ARHGEF28: variants seen among roughly 807,000 people sequenced by gnomAD.
ARHGEF28 encodes the protein Rho guanine nucleotide exchange factor 28, also known as 190 kDa guanine nucleotide exchange factor.
In ARHGEF28, 152 loss-of-function variants were observed where a neutral mutation model predicts 206.6. That is an observed-to-expected ratio of 0.74 (90% confidence interval 0.64 to 0.84). The LOEUF is 0.84. ARHGEF28 is among the 40% of genes least tolerant of loss of function. The pLI is 0.00. For synonymous variants in ARHGEF28, 763 were observed against 776.4 expected, an observed-to-expected ratio of 0.98 and a Z score of 0.29; for missense variants, 2,028 against 2,073.2, an observed-to-expected ratio of 0.98 and a Z score of 0.42.
At chr5:73,798,508 C>A (rs1014098421) in intron 9 of ARHGEF28, among the ~76,000 whole-genome samples, 2 of 152,186 alleles carry the variant, frequency 1.3e-5, no homozygotes, top group Non-Finnish European at 2.9e-5. Context: ...GAGCTGACAT[C>A]TATGTCTAAT....
At chr5:73,878,362 T>G (rs1166639089) in intron 22 of ARHGEF28, among the ~76,000 whole-genome samples, 1 of 151,802 alleles carries the variant, frequency 6.6e-6, no homozygotes, top group Admixed American at 6.6e-5. Context: ...CACTGATGAG[T>G]CTTGACTCTT....
intron 16 of ARHGEF28, among the ~76,000 whole-genome samples, chr5:73,858,717 C>T (rs1452202783): frequency 6.6e-6 from 1 of 152,220 alleles, no homozygotes; most frequent in East Asian, 1.9e-4. Context: ...AGCATTCCAA[C>T]TGACTTCCTT....
At chr5:73,903,790 A>G (rs1293962232) in intron 31 of ARHGEF28, 6 of 170,098 alleles carry the variant, frequency 3.5e-5, no homozygotes, top group Non-Finnish European at 2.5e-5. Flanking sequence ...AAAGGAGTTA[A>G]GGCCAGACAT....
chr5:73,922,442 C>G (rs190110418), intron 35 of ARHGEF28, among the ~76,000 whole-genome samples: 4 of 152,336 alleles, frequency 2.6e-5, no homozygotes, highest in Admixed American at 6.5e-5. Context: ...AGTCAAGGAG[C>G]CTTCACATAC....
intron 9 of ARHGEF28, among the ~76,000 whole-genome samples, chr5:73,808,198 T>C (rs1166865992): frequency 6.6e-6 from 1 of 152,202 alleles, no homozygotes; most frequent in Non-Finnish European, 1.5e-5. Context: ...CCGATTCATG[T>C]CTATTTTATG....
At chr5:73,753,844 CT>C (rs1243209676) in intron 4 of ARHGEF28, among the ~76,000 whole-genome samples, 3 of 152,010 alleles carry the variant, frequency 2.0e-5, no homozygotes, top group East Asian at 1.9e-4. Flanking sequence ...AAAATAAAAT[CT>C]TTTTTTGAGA....
At chr5:73,735,469 A>G (rs1750865242) in intron 2 of ARHGEF28, among the ~76,000 whole-genome samples, 2 of 152,140 alleles carry the variant, frequency 1.3e-5, no homozygotes, top group Non-Finnish European at 1.5e-5. Context: ...GGAGGTGGCT[A>G]GAGATCCAGA....
chr5:73,898,955 C>G (rs903116216), intron 30 of ARHGEF28: 2 of 152,078 alleles, frequency 1.3e-5, no homozygotes, highest in Non-Finnish European at 2.9e-5. Context: ...AAATTGAACT[C>G]AAGATTGGAA....
intron 16 of ARHGEF28, among the ~76,000 whole-genome samples, chr5:73,861,890 T>C (rs1273226077): frequency 6.6e-6 from 1 of 152,172 alleles, no homozygotes; most frequent in African/African-American, 2.4e-5. Flanking sequence ...GTTTAAACTT[T>C]GCTTATTCAT....
chr5:73,758,500 C>T (rs967927967), intron 4 of ARHGEF28, among the ~76,000 whole-genome samples: 30 of 152,190 alleles, frequency 2.0e-4, no homozygotes, highest in African/African-American at 6.3e-4. Context: ...CATTATGGAA[C>T]AGGTGCATTC....
intron 1 of ARHGEF28, among the ~76,000 whole-genome samples, chr5:73,631,971 T>C (rs1743394775): frequency 6.6e-6 from 1 of 152,210 alleles, no homozygotes; most frequent in Admixed American, 6.5e-5. Context: ...TGGGTTCATT[T>C]TGTGTTCCTG....
At chr5:73,713,440 C>A (rs1202120121) in intron 2 of ARHGEF28, among the ~76,000 whole-genome samples, 1 of 152,150 alleles carries the variant, frequency 6.6e-6, no homozygotes, top group African/African-American at 2.4e-5. Context: ...TCACAACTTA[C>A]CTTTACCTGT....
At chr5:73,804,137 TTGAGGAAACTTGGAA>T (rs1180378018) in intron 9 of ARHGEF28, among the ~76,000 whole-genome samples, 1 of 150,128 alleles carries the variant, frequency 6.7e-6, no homozygotes, top group Non-Finnish European at 1.5e-5. Flanking sequence ...TGTCCAGAGC[TTGAGGAAACTTGGAA>T]TGAGCTAGGT....
intron 9 of ARHGEF28, among the ~76,000 whole-genome samples, chr5:73,803,944 C>T (rs915708764): frequency 6.6e-5 from 10 of 151,730 alleles, no homozygotes; most frequent in East Asian, 1.9e-4. Context: ...AAAAATTAGC[C>T]GGGCATGGTA....
At chr5:73,913,620 AG>A (rs1247922859) in intron 35 of ARHGEF28, among the ~76,000 whole-genome samples, 1 of 152,178 alleles carries the variant, frequency 6.6e-6, no homozygotes, top group Non-Finnish European at 1.5e-5. Flanking sequence ...AGGAAGAAGC[AG>A]GCTCCAGGGT....
chr5:73,888,927 A>G (rs1761461565), intron 26 of ARHGEF28, among the ~76,000 whole-genome samples: 1 of 152,190 alleles, frequency 6.6e-6, no homozygotes, highest in Non-Finnish European at 1.5e-5. Context: ...TATTTCTTAA[A>G]TGTGTTAACC....
chr5:73,858,267 A>G (rs772442916), intron 16 of ARHGEF28, 48 bp downstream of exon 16: 1 of 1,525,532 alleles, frequency 6.6e-7, no homozygotes, highest in South Asian at 1.3e-5. Flanking sequence ...ATCTCCTGAC[A>G]GTAACCTTGG....
At chr5:73,935,903 A>G (rs1315438888) in intron 35 of ARHGEF28, among the ~76,000 whole-genome samples, 1 of 152,218 alleles carries the variant, frequency 6.6e-6, no homozygotes, top group Non-Finnish European at 1.5e-5. Flanking sequence ...AGAGAACTGA[A>G]CAGCGCGTCA....
chr5:73,921,445 G>A (rs1763515902), intron 35 of ARHGEF28, among the ~76,000 whole-genome samples: 1 of 152,138 alleles, frequency 6.6e-6, no homozygotes, highest in Non-Finnish European at 1.5e-5. Flanking sequence ...CTTGAATAAG[G>A]GGCCACAGTA....
Sources: gnomAD v4.1 joint callset for allele counts (sites outside exome capture counted in the v4.1 genomes callset) on GRCh38, gnomAD v4.1.1 for gene constraint, MANE v1.5 for transcripts, NCBI Gene and HGNC (gene_info 2026-07-23, HGNC 2026-07-21) for gene names.